CEMIP2: variants seen among roughly 807,000 people sequenced by gnomAD.
CEMIP2 encodes the protein cell migration inducing hyaluronidase 2, also known as cell surface hyaluronidase CEMIP2.
CEMIP2 carries 79 observed loss-of-function variants against 146.9 expected under a neutral mutation model. The ratio of observed to expected loss-of-function variants is 0.54; its 90% confidence interval spans 0.45 to 0.65. CEMIP2 has a LOEUF of 0.65. Ranked by LOEUF, CEMIP2 falls within the 30% of genes least tolerant of loss-of-function variation. The pLI, the probability that CEMIP2 is intolerant of heterozygous loss-of-function variation, is 0.00. For missense variants in CEMIP2, 1,596 were observed against 1,696.2 expected (o/e 0.94, Z 1.04); for synonymous variants, 601 against 606.3 (o/e 0.99, Z 0.13).
rs1317088789 is a variant in CEMIP2 at position 71,700,677 on chromosome 9, T to A, written c.3342A>T (p.Gln1114His). The A allele has an allele frequency of 6.2e-7, 1 of 1,608,504 alleles. No homozygotes were observed. The highest frequency in any genetic ancestry group is 2.2e-5 in the East Asian group (1 of 44,784). The change falls in exon 19 of 24, where the codon CAA becomes CAT. Residue 1114 changes from glutamine (Q) to histidine (H), a missense_variant. Gln to His is a conservative substitution (Grantham distance 24). Transcript: ENST00000377044. ...VHSLEELQRK[Q>H]SERKFYFDSS... Reference sequence around the variant, plus strand: ...AGTCAAAATAGAATTTCCTCTCGGATTGCTTTCTTTGCAGTTCTTCCAGTG... The same window carrying A: ...AGTCAAAATAGAATTTCCTCTCGGAATGCTTTCTTTGCAGTTCTTCCAGTG...
chr9:71,769,090 A>T (rs558588419), upstream of CEMIP2, among the ~76,000 whole-genome samples: 1 of 152,166 alleles, frequency 6.6e-6, no homozygotes, highest in African/African-American at 2.4e-5. Flanking sequence ...GGCGGGGCAG[A>T]GCCCCAGCCA....
chr9:71,685,219 T>G lies in CEMIP2; in HGVS notation c.4130A>C (p.Lys1377Thr). 1 of 1,610,408 alleles carries G rather than the reference T, an allele frequency of 6.2e-7. No homozygotes were observed. Residue 1377 changes from lysine (K) to threonine (T), a missense_variant, in exon 24 of 24, where the codon AAG (lysine) becomes ACG (threonine). Coordinates refer to ENST00000377044, the MANE Select transcript of CEMIP2 (RefSeq NM_013390.3). Reference protein sequence around the residue: ...TVRRRDLELLKQASKAH With the variant: ...TVRRRDLELLTQASKAH ...TCTCTAATGTGCTTTTGAAGCTTGCTTTAGCAGTTCCAGGTCTCTTCTGCG... is the reference window on the plus strand; with the variant it reads ...TCTCTAATGTGCTTTTGAAGCTTGCGTTAGCAGTTCCAGGTCTCTTCTGCG...
intron 21 of CEMIP2, among the ~76,000 whole-genome samples, chr9:71,691,427 AAAATAAATAAAT>A (rs1167206741): frequency 5.3e-5 from 8 of 151,356 alleles, no homozygotes; most frequent in Non-Finnish European, 1.2e-4. Flanking sequence ...CAGGAAAAAA[AAAATAAATAAAT>A]AAAAAAGCCC....
intron 1 of CEMIP2, among the ~76,000 whole-genome samples, chr9:71,760,325 T>C (rs1175009956): frequency 6.6e-6 from 1 of 152,244 alleles, no homozygotes; most frequent in African/African-American, 2.4e-5. Flanking sequence ...CACATTGGAC[T>C]CTCCTGTTAA....
At chr9:71,722,292 TCCAAAAA>T in intron 12 of CEMIP2, 128 bp downstream of exon 12, 1 of 617,396 alleles carries the variant, frequency 1.6e-6, no homozygotes, top group South Asian at 2.5e-5. Flanking sequence ...TAAGTGGTTT[TCCAAAAA>T]CCCTTTTACG....
intron 13 of CEMIP2, among the ~76,000 whole-genome samples, chr9:71,717,663 G>T (rs920516710): frequency 2.0e-5 from 3 of 152,130 alleles, no homozygotes; most frequent in African/African-American, 7.2e-5. Context: ...CTCTGACATA[G>T]ACCATGCTTG....
chr9:71,686,868 T>C (rs577320382), intron 22 of CEMIP2: 2 of 152,298 alleles, frequency 1.3e-5, no homozygotes, highest in Non-Finnish European at 2.9e-5. Context: ...GGGAGAATGG[T>C]TTTGTTTTGT....
At position 71,739,361 on chromosome 9, in the gene CEMIP2, CAAAAAAAAAAAA is replaced by C. The variant is rs71353516; in HGVS notation, c.1204+690_1204+701del. On this transcript the variant is annotated intron_variant, in intron 5 of 23. Coordinates refer to ENST00000377044, the MANE Select transcript of CEMIP2 (RefSeq NM_013390.3). ...TGGGTGACAGAGTGAGACTCTGTCT[CAAAAAAAAAAAA>C]AAAAAAAAAAAAAAAAAAGATGACT... 1.2e-4 allele frequency among the ~76,000 whole-genome samples: 5 copies of C among 42,816 alleles called. No individual in the cohort carries two copies. The Admixed American group carries it at 1.2e-3, about 10-fold the overall frequency. The allele number at this position is 42,816 out of a possible 152,430, so 28.1% of individuals were successfully genotyped here.
intron 12 of CEMIP2, 93 bp downstream of exon 12, chr9:71,722,334 G>T: frequency 1.1e-6 from 1 of 949,084 alleles, no homozygotes; most frequent in Non-Finnish European, 1.6e-6. Context: ...TATTTTAAAT[G>T]TATTACCACA....
intron 1 of CEMIP2, among the ~76,000 whole-genome samples, chr9:71,750,736 C>T (rs949185630): frequency 5.4e-5 from 8 of 147,708 alleles, no homozygotes; most frequent in African/African-American, 1.5e-4. Context: ...TGTGAGCCAC[C>T]GCAACTCGCC....
Position 71,734,941 on chromosome 9 carries a change from A to T in CEMIP2, c.1258T>A (p.Leu420Met). The T allele has an allele frequency of 6.2e-7, 1 of 1,613,848 alleles. No homozygotes were observed. Residue 420 changes from leucine to methionine, a missense_variant, in exon 6 of 24, where the codon TTG becomes ATG. Transcript: ENST00000377044. Reference protein sequence around the residue: ...VEVVDGVKLNLLDDVSSWKPG... With the variant: ...VEVVDGVKLNMLDDVSSWKPG... The stretch of plus-strand genomic sequence containing the variant: ...TTCCAACTACTAACATCATCTAGCA[A>T]ATTTAGCTTCACTCCATCTACAACC...
chr9:71,737,012 A>G (rs1002695533), intron 5 of CEMIP2, among the ~76,000 whole-genome samples: 33 of 151,846 alleles, frequency 2.2e-4, no homozygotes, highest in Non-Finnish European at 4.6e-4. Flanking sequence ...CTACAAAAAA[A>G]TCAAAAACTT....
intron 15 of CEMIP2, among the ~76,000 whole-genome samples, chr9:71,714,451 G>A (rs1228985600): frequency 3.3e-5 from 5 of 152,004 alleles, no homozygotes; most frequent in Non-Finnish European, 5.9e-5. Context: ...GCTGTGGTGG[G>A]GTTTTGAGTT....
intron 1 of CEMIP2, among the ~76,000 whole-genome samples, chr9:71,766,237 T>G (rs1311197344): frequency 6.6e-6 from 1 of 151,202 alleles, no homozygotes; most frequent in Non-Finnish European, 1.5e-5. Flanking sequence ...CCTGGCTAAT[T>G]TTTTTTTGTA....
At chr9:71,732,276 C>T (rs1823641021) in intron 7 of CEMIP2, 75 bp downstream of exon 7, 1 of 1,440,426 alleles carries the variant, frequency 6.9e-7, no homozygotes. Context: ...TATCTTGTTC[C>T]AAAACTTGAC....
At chr9:71,687,674 A>G (rs991380076) in intron 22 of CEMIP2, among the ~76,000 whole-genome samples, 3 of 152,162 alleles carry the variant, frequency 2.0e-5, no homozygotes, top group East Asian at 1.9e-4. Flanking sequence ...ACAAAAAATT[A>G]GAAAAATAAT....
At chr9:71,723,874 T>C (rs1364229770) in intron 11 of CEMIP2, among the ~76,000 whole-genome samples, 2 of 152,180 alleles carry the variant, frequency 1.3e-5, no homozygotes, top group Non-Finnish European at 2.9e-5. Context: ...AAGAATTCAA[T>C]CTCCTTTGGC....
chr9:71,743,215 T>G (rs1167271463), intron 4 of CEMIP2, among the ~76,000 whole-genome samples: 2 of 152,110 alleles, frequency 1.3e-5, no homozygotes, highest in African/African-American at 4.8e-5. Flanking sequence ...AACCTAAACT[T>G]TAGTAGATCC....
chr9:71,761,881 G>T (rs938052882), intron 1 of CEMIP2, among the ~76,000 whole-genome samples: 2 of 152,192 alleles, frequency 1.3e-5, no homozygotes, highest in Non-Finnish European at 2.9e-5. Context: ...ATGGAATAGA[G>T]CTTAATTTTC....
Sources: gnomAD v4.1 joint callset for allele counts (sites outside exome capture counted in the v4.1 genomes callset) on GRCh38, gnomAD v4.1.1 for gene constraint, MANE v1.5 for transcripts, NCBI Gene and HGNC (gene_info 2026-07-23, HGNC 2026-07-21) for gene names.